The following ZNF420 variants were observed in gnomAD, a reference collection of about 807,000 sequenced individuals.
ZNF420 encodes ATM and p53-associated KZNF protein.
A neutral mutation model predicts 44.7 loss-of-function variants in ZNF420; 31 were observed. The ratio of observed to expected loss-of-function variants is 0.69; its 90% CI spans 0.52 to 0.94. ZNF420 has a LOEUF of 0.94. Ranked by LOEUF, ZNF420 falls within the 40% of genes least tolerant of loss-of-function variation. The probability of loss-of-function intolerance (pLI) is 0.00; values close to 1 mark genes in which losing one functional copy is unlikely to be tolerated. For missense variants in ZNF420, 681 were observed against 827.9 expected (o/e 0.82, Z 2.18); for synonymous variants, 245 against 267.4 (o/e 0.92, Z 0.82).
At chr19:37,020,081 G>A (rs1356235291) in intron 1 of ZNF420, among the ~76,000 whole-genome samples, 2 of 151,976 alleles carry the variant, frequency 1.3e-5, no homozygotes, top group Non-Finnish European at 2.9e-5. Flanking sequence ...GCCGGGCACA[G>A]TGGCGGGCGC....
At chr19:37,097,499 T>A (rs2146577202) in intron 4 of ZNF420, among the ~76,000 whole-genome samples, 1 of 152,304 alleles carries the variant, frequency 6.6e-6, no homozygotes, top group Non-Finnish European at 1.5e-5. Flanking sequence ...CAAATCATTC[T>A]TATCTTTTCT....
At chr19:37,114,258 C>CT (rs1428434589) in intron 4 of ZNF420, among the ~76,000 whole-genome samples, 3 of 152,170 alleles carry the variant, frequency 2.0e-5, no homozygotes, top group African/African-American at 7.2e-5. Context: ...GCGCCCTGCC[C>CT]TGTGGTGCTG....
chr19:37,028,251 G>A (rs558097417), intron 1 of ZNF420, among the ~76,000 whole-genome samples: 1 of 152,160 alleles, frequency 6.6e-6, no homozygotes, highest in Non-Finnish European at 1.5e-5. Context: ...GATGGACTGC[G>A]GGGAAAGAGC....
At chr19:37,037,881 G>A (rs1967387418) in intron 1 of ZNF420, among the ~76,000 whole-genome samples, 1 of 152,190 alleles carries the variant, frequency 6.6e-6, no homozygotes, top group Non-Finnish European at 1.5e-5. Flanking sequence ...TGGTGACCTA[G>A]AACCAAACCT....
intron 4 of ZNF420, among the ~76,000 whole-genome samples, chr19:37,095,839 T>C (rs951836393): frequency 5.3e-5 from 8 of 152,178 alleles, no homozygotes; most frequent in African/African-American, 1.9e-4. Flanking sequence ...CCTCAGGTGA[T>C]CCACCCACCT....
At chr19:37,032,289 G>A (rs111975245) in intron 1 of ZNF420, among the ~76,000 whole-genome samples, 2,000 of 150,988 alleles carry the variant, frequency 0.013, 48 homozygotes, top group African/African-American at 0.045. Flanking sequence ...CCGAGATTGC[G>A]CCACTGCACT....
At chr19:37,088,966 A>C in intron 2 of ZNF420, 73 bp from the exon 3 acceptor site, 1 of 716,756 alleles carries the variant, frequency 1.4e-6, no homozygotes, top group Non-Finnish European at 2.5e-6. Flanking sequence ...AAGAACAACA[A>C]AGATAATTCC....
At chr19:37,113,845 A>G (rs1238035484) in intron 4 of ZNF420, among the ~76,000 whole-genome samples, 1 of 152,034 alleles carries the variant, frequency 6.6e-6, no homozygotes, top group Non-Finnish European at 1.5e-5. Context: ...CTTGTGCCCC[A>G]TCAATCCACC....
chr19:37,088,998 G>A (rs986291195), intron 2 of ZNF420, 41 bp from the exon 3 acceptor site: 8 of 863,472 alleles, frequency 9.3e-6, no homozygotes, highest in African/African-American at 3.4e-5. Context: ...TTGTTACTTT[G>A]CAAAACACCT....
rs531702572 is a variant in ZNF420 at position 37,117,312 on chromosome 19, ACAGCCACCGCTGTTCTG to A, written c.137-9808_137-9792del. Among the ~76,000 whole-genome samples, 1,214 of 152,288 alleles carry A rather than the reference ACAGCCACCGCTGTTCTG, an allele frequency of 8.0e-3. 15 individuals carry two copies. The highest frequency in any genetic ancestry group is 0.028 in the African/African-American group (1,171 of 41,568). ...GCGGTTCACGAAAATCGGCTGTTCTACAGCCACCGCTGTTCTGCAGCCACTGCTGCTGATACCCAGGC... is the reference window on the plus strand; with the variant it reads ...GCGGTTCACGAAAATCGGCTGTTCTACAGCCACTGCTGCTGATACCCAGGC... On this transcript the variant is annotated intron_variant, in intron 4 of 4. Transcript: ENST00000337995.
rs373866862 is a variant in ZNF420, at chr19:37,127,176, C to T, written c.185C>T (p.Thr62Ile). The change falls in exon 5 of 5, where the codon ACT becomes ATT. Residue 62 changes from threonine to isoleucine, a missense_variant. By Grantham distance (89) the Thr-to-Ile change is moderately conservative. Coordinates refer to ENST00000337995, the MANE Select transcript of ZNF420 (RefSeq NM_144689.5). ...AAGGACTTATCTCCAGAAAAGAACACTTATGAAACAGAATTATCCCAATGG... is the reference window on the plus strand; with the variant it reads ...AAGGACTTATCTCCAGAAAAGAACATTTATGAAACAGAATTATCCCAATGG... ...ASKDLSPEKN[T>I]YETELSQWEM... The T allele has an allele frequency of 3.8e-6, 6 of 1,571,910 alleles. No individual in the cohort carries two copies. The highest frequency in any genetic ancestry group is 3.4e-4 in the Middle Eastern group (2 of 5,890).
intron 1 of ZNF420, among the ~76,000 whole-genome samples, chr19:37,022,335 G>A (rs972174166): frequency 6.6e-6 from 1 of 151,734 alleles, no homozygotes; most frequent in African/African-American, 2.4e-5. Context: ...AATTTCTAAT[G>A]CATTTTGAAT....
intron 1 of ZNF420, among the ~76,000 whole-genome samples, chr19:37,068,674 G>A (rs748312741): frequency 3.9e-5 from 6 of 151,968 alleles, no homozygotes; most frequent in South Asian, 2.1e-4. Flanking sequence ...ATAAAAATAT[G>A]CCAGTACATC....
At chr19:37,036,340 T>G (rs959357420) in intron 1 of ZNF420, among the ~76,000 whole-genome samples, 1 of 152,208 alleles carries the variant, frequency 6.6e-6, no homozygotes, top group Non-Finnish European at 1.5e-5. Context: ...AAATATCACA[T>G]GTACCCTAGA....
Position 37,128,447 on chromosome 19 carries a change from C to G in ZNF420, c.1456C>G (p.Arg486Gly), listed in dbSNP as rs775994644. ...TAAGGAATGTGGGAAATCTTTTATT[C>G]GTGGTTCCCAGCTTACTCAACATCA... Reference protein sequence around the residue: ...ECKECGKSFIRGSQLTQHQRI... With the variant: ...ECKECGKSFIGGSQLTQHQRI... The change falls in exon 5 of 5, where the codon CGT becomes GGT. Residue 486 changes from arginine to glycine, a missense_variant. Coordinates refer to ENST00000337995, the MANE Select transcript of ZNF420 (RefSeq NM_144689.5). The G allele has an allele frequency of 1.9e-6, 3 of 1,614,050 alleles. No homozygotes were observed. The highest frequency in any genetic ancestry group is 2.5e-6 in the Non-Finnish European group (3 of 1,179,968).
At position 37,129,882 on chromosome 19, in the gene ZNF420, C is replaced by A; in HGVS notation, c.*824C>A. Reference sequence around the variant, plus strand: ...AATAAATCTAGGAATTTTTTAAAAACTTGAATGTATTGCTTTTGAAGTAAA... The same window carrying A: ...AATAAATCTAGGAATTTTTTAAAAAATTGAATGTATTGCTTTTGAAGTAAA... On this transcript the variant is annotated 3_prime_UTR_variant, in exon 5 of 5. Transcript: ENST00000337995. 9.3e-7 allele frequency: 1 copy of A among 1,078,530 alleles called. No homozygotes were observed. Among genetic ancestry groups the A allele is most frequent in the Non-Finnish European group, 1.2e-6 (1 of 801,138 alleles). The allele number at this position is 1,078,530 out of a possible 1,614,324, so 66.8% of individuals were successfully genotyped here. A position where few individuals can be genotyped will look rare whatever the true frequency, so the allele number is the denominator to read the frequency against.
intron 3 of ZNF420, among the ~76,000 whole-genome samples, chr19:37,089,841 A>T (rs985438709): frequency 6.6e-6 from 1 of 152,228 alleles, no homozygotes; most frequent in Non-Finnish European, 1.5e-5. Context: ...AAAATGTTCA[A>T]ATATGAGCAC....
At chr19:37,098,171 C>T (rs748899196) in intron 4 of ZNF420, among the ~76,000 whole-genome samples, 2 of 152,014 alleles carry the variant, frequency 1.3e-5, no homozygotes, top group Non-Finnish European at 2.9e-5. Flanking sequence ...AGACTAGTCT[C>T]GAACTCCTGG....
chr19:37,124,167 G>C (rs970247051), intron 4 of ZNF420, among the ~76,000 whole-genome samples: 11 of 152,150 alleles, frequency 7.2e-5, no homozygotes, highest in African/African-American at 2.2e-4. Context: ...GCTTTGTCAA[G>C]AATGTCATAT....
Sources: gnomAD v4.1 joint callset for allele counts (sites outside exome capture counted in the v4.1 genomes callset) on GRCh38, gnomAD v4.1.1 for gene constraint, MANE v1.5 for transcripts, NCBI Gene and HGNC (gene_info 2026-07-23, HGNC 2026-07-21) for gene names.